KCND2: variants seen among roughly 807,000 people sequenced by gnomAD.
KCND2 encodes the protein potassium voltage-gated channel subfamily D member 2, also known as A-type voltage-gated potassium channel KCND2.
A neutral mutation model predicts 54.4 loss-of-function variants in KCND2; 16 were observed. That is an observed-to-expected ratio of 0.29 (90% confidence interval 0.20 to 0.45). KCND2 has a LOEUF of 0.45. KCND2 is among the 20% of genes least tolerant of loss of function. The pLI is 1.00. For synonymous variants in KCND2, 317 were observed against 310.7 expected, an observed-to-expected ratio of 1.02 and a Z score of -0.21; for missense variants, 486 against 824.2, an observed-to-expected ratio of 0.59 and a Z score of 5.02.
chr7:120,596,275 A>G (rs2116466052), intron 1 of KCND2, among the ~76,000 whole-genome samples: 1 of 152,294 alleles, frequency 6.6e-6, no homozygotes, highest in East Asian at 1.9e-4. Flanking sequence ...TGTTACTTAT[A>G]TAGATAATTG....
intron 1 of KCND2, among the ~76,000 whole-genome samples, chr7:120,385,813 C>T (rs1430449298): frequency 6.6e-6 from 1 of 152,040 alleles, no homozygotes; most frequent in East Asian, 1.9e-4. Context: ...TTGTAGGATC[C>T]TCCTTCACTG....
At chr7:120,633,422 G>C (rs1009100967) in intron 1 of KCND2, among the ~76,000 whole-genome samples, 1 of 152,174 alleles carries the variant, frequency 6.6e-6, no homozygotes, top group African/African-American at 2.4e-5. Context: ...GAAACCAACT[G>C]TAAGGCCAGC....
chr7:120,473,134 C>T (rs73724214), intron 1 of KCND2, among the ~76,000 whole-genome samples: 1,656 of 152,236 alleles, frequency 0.011, 26 homozygotes, highest in African/African-American at 0.037. Context: ...AGCTGCAACA[C>T]CCACAGAGGG....
At chr7:120,661,229 T>C (rs892953216) in intron 1 of KCND2, among the ~76,000 whole-genome samples, 4 of 152,142 alleles carry the variant, frequency 2.6e-5, no homozygotes, top group African/African-American at 7.2e-5. Context: ...TCTAACACTT[T>C]ACAGTCAAGA....
chr7:120,458,289 G>GGTCACA (rs1306298785), intron 1 of KCND2, among the ~76,000 whole-genome samples: 1 of 152,164 alleles, frequency 6.6e-6, no homozygotes, highest in Admixed American at 6.5e-5. Context: ...GAGACTTCCA[G>GGTCACA]GTCACAGGTT....
At chr7:120,591,867 C>A (rs1288114100) in intron 1 of KCND2, among the ~76,000 whole-genome samples, 2 of 152,054 alleles carry the variant, frequency 1.3e-5, no homozygotes, top group African/African-American at 4.8e-5. Flanking sequence ...ATTCCTTCGA[C>A]GTAATAGATG....
chr7:120,355,687 A>G (rs1488494323), intron 1 of KCND2, among the ~76,000 whole-genome samples: 1 of 152,208 alleles, frequency 6.6e-6, no homozygotes, highest in Non-Finnish European at 1.5e-5. Flanking sequence ...CAGAATTTGA[A>G]GTACGCTTTC....
chr7:120,673,179 C>A (rs530454233), intron 1 of KCND2, among the ~76,000 whole-genome samples: 1 of 152,066 alleles, frequency 6.6e-6, no homozygotes, highest in African/African-American at 2.4e-5. Context: ...TTGGACTTCT[C>A]GTCTCCAGAG....
chr7:120,513,751 G>T (rs1803155766), intron 1 of KCND2, among the ~76,000 whole-genome samples: 1 of 151,862 alleles, frequency 6.6e-6, no homozygotes, highest in South Asian at 2.1e-4. Flanking sequence ...GCACATGTAA[G>T]TATAACAGAA....
rs147807405 is a variant in KCND2, at chr7:120,304,572, C to A, written c.1115+28825C>A. ...AAAATGGTGGGTGGGGCTCATCAATCTTCGTTTTAACGTGTACTCCAGCTT... is the reference window on the plus strand; with the variant it reads ...AAAATGGTGGGTGGGGCTCATCAATATTCGTTTTAACGTGTACTCCAGCTT... On this transcript the variant is annotated intron_variant, in intron 1 of 5. Coordinates refer to ENST00000331113, the MANE Select transcript of KCND2 (RefSeq NM_012281.3). Among the ~76,000 whole-genome samples the A allele has an allele frequency of 4.6e-4, 70 of 152,302 alleles. 1 individual carries two copies. The highest frequency in any genetic ancestry group is 1.6e-3 in the African/African-American group (67 of 41,584).
intron 1 of KCND2, among the ~76,000 whole-genome samples, chr7:120,572,040 T>C (rs1792372263): frequency 6.6e-6 from 1 of 152,208 alleles, no homozygotes; most frequent in Non-Finnish European, 1.5e-5. Context: ...TTATTAGCAT[T>C]GTGTATCTGA....
intron 1 of KCND2, among the ~76,000 whole-genome samples, chr7:120,619,835 T>G (rs1793075280): frequency 6.6e-6 from 1 of 152,236 alleles, no homozygotes; most frequent in South Asian, 2.1e-4. Flanking sequence ...GTCATAATTA[T>G]TCTTGGCTTA....
chr7:120,368,169 G>A (rs1800714039), intron 1 of KCND2, among the ~76,000 whole-genome samples: 1 of 152,074 alleles, frequency 6.6e-6, no homozygotes, highest in Non-Finnish European at 1.5e-5. Flanking sequence ...TTTCTGTGAT[G>A]TAAAGATTGA....
chr7:120,455,291 A>G (rs747313807), intron 1 of KCND2, among the ~76,000 whole-genome samples: 60 of 152,308 alleles, frequency 3.9e-4, no homozygotes, highest in Non-Finnish European at 8.1e-4. Flanking sequence ...AAACTATACT[A>G]CAAGGCTACA....
chr7:120,718,512 C>T (rs1416310794), intron 1 of KCND2, among the ~76,000 whole-genome samples: 2 of 152,092 alleles, frequency 1.3e-5, no homozygotes, highest in Non-Finnish European at 2.9e-5. Flanking sequence ...GACTCTTGTT[C>T]ATTTATGGAT....
intron 1 of KCND2, among the ~76,000 whole-genome samples, chr7:120,310,813 G>A (rs889416084): frequency 2.0e-5 from 3 of 151,622 alleles, no homozygotes; most frequent in African/African-American, 7.3e-5. Context: ...GTGCATGCCT[G>A]TAATCCCAGC....
Position 120,348,461 on chromosome 7 carries a change from A to C in KCND2, c.1115+72714A>C, listed in dbSNP as rs562079293. ...CTATCAATTTAGAACCAAGGTGGGC[A>C]CATGTACCTTGACAAAGATGCTATA... is the stretch of plus-strand genomic sequence containing the variant. On this transcript the variant is annotated intron_variant, in intron 1 of 5. Transcript: ENST00000331113. Among the ~76,000 whole-genome samples the C allele has an allele frequency of 2.0e-5, 3 of 152,348 alleles. No individual in the cohort carries two copies. In the East Asian group the frequency reaches 5.8e-4, roughly 29 times the overall value.
At chr7:120,650,665 C>G (rs532080338) in intron 1 of KCND2, among the ~76,000 whole-genome samples, 1 of 143,970 alleles carries the variant, frequency 6.9e-6, no homozygotes, top group East Asian at 1.9e-4. Flanking sequence ...CGAGGAGCTG[C>G]GTTCCTTTGG....
At chr7:120,289,257 G>A (rs1799399296) in intron 1 of KCND2, among the ~76,000 whole-genome samples, 1 of 151,968 alleles carries the variant, frequency 6.6e-6, no homozygotes, top group Admixed American at 6.6e-5. Context: ...GCTGTCCGCT[G>A]ACTGTCCCCC....
Sources: allele counts gnomAD v4.1 joint callset (sites outside exome capture counted in the v4.1 genomes callset), GRCh38; gene constraint gnomAD v4.1.1; transcripts MANE v1.5; gene names NCBI Gene and HGNC (gene_info 2026-07-23, HGNC 2026-07-21).